Variants in NMT2 observed in about 807,000 individuals in gnomAD.
NMT2 encodes the protein glycylpeptide N-tetradecanoyltransferase 2.
NMT2 carries 35 observed loss-of-function variants against 65.4 expected under a neutral mutation model. The ratio of observed to expected loss-of-function variants is 0.54; its 90% CI spans 0.41 to 0.71. NMT2 has a LOEUF of 0.71. Among genes scored for constraint, NMT2 ranks in the 30% least tolerant of loss-of-function variants. NMT2 has a pLI of 0.00. For synonymous variants in NMT2, 226 were observed against 231.8 expected, an observed-to-expected ratio of 0.98 and a Z score of 0.23; for missense variants, 489 against 611.3, an observed-to-expected ratio of 0.80 and a Z score of 2.11.
intron 1 of NMT2, among the ~76,000 whole-genome samples, chr10:15,163,306 T>G (rs1245328285): frequency 2.0e-5 from 3 of 152,234 alleles, no homozygotes; most frequent in Non-Finnish European, 4.4e-5. Context: ...GGAGTAGAAC[T>G]TGGTTCTGTT....
At chr10:15,118,330 G>A (rs1339903077) in intron 9 of NMT2, among the ~76,000 whole-genome samples, 1 of 152,170 alleles carries the variant, frequency 6.6e-6, no homozygotes, top group Non-Finnish European at 1.5e-5. Flanking sequence ...CTGAGGTCAG[G>A]AGTTCAAGAC....
intron 8 of NMT2, among the ~76,000 whole-genome samples, chr10:15,127,933 A>G (rs945977293): frequency 2.0e-5 from 3 of 152,048 alleles, no homozygotes; most frequent in African/African-American, 7.2e-5. Context: ...TCACATTGAG[A>G]ACGAGATAGT....
intron 1 of NMT2, among the ~76,000 whole-genome samples, chr10:15,156,817 AC>A (rs1833016312): frequency 6.6e-6 from 1 of 150,754 alleles, no homozygotes; most frequent in Non-Finnish European, 1.5e-5. Flanking sequence ...AATTGCGTGA[AC>A]CCGGGAGGCG....
At chr10:15,142,243 T>C (rs1243331837) in intron 1 of NMT2, among the ~76,000 whole-genome samples, 1 of 152,194 alleles carries the variant, frequency 6.6e-6, no homozygotes, top group East Asian at 1.9e-4. Context: ...GCATGTGCAA[T>C]AGTGAGAGAA....
At chr10:15,127,190 C>T (rs554573289) in intron 8 of NMT2, among the ~76,000 whole-genome samples, 3 of 151,424 alleles carry the variant, frequency 2.0e-5, no homozygotes, top group Admixed American at 6.6e-5. Context: ...AGCCAACATC[C>T]AGCCACTGCA....
intron 11 of NMT2, 54 bp from the exon 12 acceptor site, chr10:15,109,269 C>A: frequency 6.3e-7 from 1 of 1,584,550 alleles, no homozygotes; most frequent in Non-Finnish European, 8.5e-7. Flanking sequence ...CAATGTAGTA[C>A]AATAGATCTG....
intron 6 of NMT2, among the ~76,000 whole-genome samples, chr10:15,131,228 G>C (rs529279640): frequency 6.6e-6 from 1 of 151,738 alleles, no homozygotes. Flanking sequence ...CAACCCTCTT[G>C]TTCTAAATAC....
intron 8 of NMT2, among the ~76,000 whole-genome samples, chr10:15,127,535 A>T: frequency 1.1e-5 from 1 of 93,320 alleles, no homozygotes; most frequent in African/African-American, 7.0e-5. Context: ...CGACAGAGTG[A>T]GACTCCGTCT....
intron 1 of NMT2, among the ~76,000 whole-genome samples, chr10:15,155,529 G>C (rs185439278): frequency 6.9e-6 from 1 of 144,940 alleles, no homozygotes. Context: ...CCACTATGCC[G>C]GGCTAGTTTT....
At chr10:15,165,868 A>G (rs1391481717) in intron 1 of NMT2, among the ~76,000 whole-genome samples, 1 of 134,346 alleles carries the variant, frequency 7.4e-6, no homozygotes, top group Non-Finnish European at 1.5e-5. Flanking sequence ...ACAGAGAAAG[A>G]CTGTCTCAAA....
At chr10:15,150,511 G>A (rs575846249) in intron 1 of NMT2, among the ~76,000 whole-genome samples, 1 of 152,082 alleles carries the variant, frequency 6.6e-6, no homozygotes, top group African/African-American at 2.4e-5. Flanking sequence ...GCTCCATCAT[G>A]GGTCTGGTAG....
intron 1 of NMT2, among the ~76,000 whole-genome samples, chr10:15,160,270 G>A (rs557581054): frequency 6.6e-6 from 1 of 152,292 alleles, no homozygotes; most frequent in Non-Finnish European, 1.5e-5. Flanking sequence ...TTCCTGGGAG[G>A]AGGGTGGTGA....
chr10:15,135,711 TC>T (rs1169545717), intron 2 of NMT2, among the ~76,000 whole-genome samples: 2 of 152,018 alleles, frequency 1.3e-5, no homozygotes, highest in African/African-American at 4.8e-5. Flanking sequence ...CCGGCATTAC[TC>T]CTCTGGGGGA....
intron 1 of NMT2, among the ~76,000 whole-genome samples, chr10:15,144,364 G>A (rs1846882873): frequency 1.3e-5 from 2 of 152,248 alleles, no homozygotes; most frequent in South Asian, 4.1e-4. Flanking sequence ...CTGAGGCCAT[G>A]AAGGAAACGA....
chr10:15,128,508 G>T, intron 7 of NMT2, 50 bp from the exon 8 acceptor site: 1 of 1,156,862 alleles, frequency 8.6e-7, no homozygotes, highest in Non-Finnish European at 1.3e-6. Flanking sequence ...AACTCTACAA[G>T]TTTTCACTCT....
chr10:15,151,919 G>A (rs556679108), intron 1 of NMT2, among the ~76,000 whole-genome samples: 5 of 152,282 alleles, frequency 3.3e-5, no homozygotes, highest in African/African-American at 9.6e-5. Context: ...CCAGCTACTC[G>A]GGAGGCTGAG....
intron 1 of NMT2, among the ~76,000 whole-genome samples, chr10:15,163,357 A>C (rs1833265824): frequency 6.6e-6 from 1 of 152,236 alleles, no homozygotes; most frequent in Admixed American, 6.5e-5. Context: ...TATAACGTAC[A>C]TTTGCACTAA....
At chr10:15,141,159 C>T (rs552320906) in intron 2 of NMT2, 45 of 900,994 alleles carry the variant, frequency 5.0e-5, no homozygotes, top group African/African-American at 1.8e-4. Context: ...TCTTCTAGAA[C>T]GACAATCTAA....
At position 15,109,119 on chromosome 10, in the gene NMT2, T is replaced by C; in HGVS notation, c.*76A>G. 1 of 1,578,844 alleles carries C rather than the reference T, an allele frequency of 6.3e-7. No homozygotes were observed. Among genetic ancestry groups the C allele is most frequent in the Non-Finnish European group, 8.6e-7 (1 of 1,168,948 alleles). ...CACTTGAGTTGTGCTTTTATTCTTC[T>C]TTGGAATGGCAGTTCCAGAAATCAT... On this transcript the variant is annotated 3_prime_UTR_variant, in exon 12 of 12. Coordinates refer to ENST00000378165, the MANE Select transcript of NMT2 (RefSeq NM_004808.3).
Sources: allele counts gnomAD v4.1 joint callset (sites outside exome capture counted in the v4.1 genomes callset), GRCh38; gene constraint gnomAD v4.1.1; transcripts MANE v1.5; gene names NCBI Gene and HGNC (gene_info 2026-07-23, HGNC 2026-07-21).